Variants in NVL observed in about 807,000 individuals in gnomAD.
The protein encoded by NVL is nuclear valosin-containing protein-like.
A neutral mutation model predicts 110.2 loss-of-function variants in NVL; 84 were observed. That is an observed-to-expected ratio of 0.76 (90% CI 0.64 to 0.91). The LOEUF is 0.91. Ranked by LOEUF, NVL falls within the 40% of genes least tolerant of loss-of-function variation. NVL has a pLI of 0.00. For missense variants in NVL, 882 were observed against 1,035.9 expected (o/e 0.85, Z 2.04); for synonymous variants, 354 against 361.1 (o/e 0.98, Z 0.22).
At chr1:224,321,712 C>A (rs1156985991) in intron 2 of NVL, among the ~76,000 whole-genome samples, 1 of 148,958 alleles carries the variant, frequency 6.7e-6, no homozygotes, top group Non-Finnish European at 1.5e-5. Context: ...GCCGAGATTG[C>A]CCCGCTGCAC....
At chr1:224,273,210 C>T (rs1164277356) in intron 17 of NVL, among the ~76,000 whole-genome samples, 3 of 151,948 alleles carry the variant, frequency 2.0e-5, no homozygotes, top group Non-Finnish European at 4.4e-5. Flanking sequence ...ACCAAGAGTT[C>T]GAGACCAGCC....
At position 224,300,619 on chromosome 1, in the gene NVL, C is replaced by A. The variant is rs1188436045; in HGVS notation, c.1005G>T (p.Val335=). 3 of 1,613,926 alleles carry A rather than the reference C, an allele frequency of 1.9e-6. No individual in the cohort carries two copies. Among genetic ancestry groups the A allele is most frequent in the Admixed American group, 3.3e-5 (2 of 60,000 alleles). Residue 335 remains valine (V), a synonymous_variant, in exon 10 of 23, where the codon GTG becomes GTT. Transcript: ENST00000281701. ...GCTCAGACTCTCCGGATACTCCAGACACAATCTCTGGAGCAGCCACTTTCA... is the reference window on the plus strand; with the variant it reads ...GCTCAGACTCTCCGGATACTCCAGAAACAATCTCTGGAGCAGCCACTTTCA... ...PILKVAAPEI[V]SGVSGESEQK...
At chr1:224,255,960 C>A (rs550713801) in intron 18 of NVL, among the ~76,000 whole-genome samples, 1 of 152,182 alleles carries the variant, frequency 6.6e-6, no homozygotes, top group African/African-American at 2.4e-5. Context: ...TGCTCCAGTA[C>A]CATTGTTGAA....
intron 14 of NVL, among the ~76,000 whole-genome samples, 179 bp downstream of exon 14, chr1:224,287,596 T>C (rs1666989526): frequency 2.0e-5 from 3 of 152,168 alleles, no homozygotes; most frequent in African/African-American, 4.8e-5. Context: ...AAATCGGATC[T>C]CAAACAAAAG....
chr1:224,261,134 G>A (rs2405061), intron 18 of NVL, among the ~76,000 whole-genome samples: 152,241 of 152,258 alleles, frequency 1, 76,112 homozygotes, highest in Non-Finnish European at 1. Flanking sequence ...TCGGCCTCCC[G>A]AAGTGTTGGG....
Position 224,268,027 on chromosome 1 carries a change from T to G in NVL, c.2182+7A>C, listed in dbSNP as rs1191465630. On this transcript the variant is annotated splice_region_variant and intron_variant, in intron 18 of 22. Transcript: ENST00000281701. ...TTCATCTGTGTTACAATATTTTTATTTCTTACCTGGCCTGTTAGTGGCTGC... is the reference window on the plus strand; with the variant it reads ...TTCATCTGTGTTACAATATTTTTATGTCTTACCTGGCCTGTTAGTGGCTGC... 7 of 1,600,686 alleles carry G rather than the reference T, an allele frequency of 4.4e-6. No individual in the cohort carries two copies. The highest frequency in any genetic ancestry group is 5.1e-6 in the Non-Finnish European group (6 of 1,168,482).
At chr1:224,237,730 C>CCTTTTTT (rs1660648717) in intron 19 of NVL, among the ~76,000 whole-genome samples, 1 of 130,100 alleles carries the variant, frequency 7.7e-6, no homozygotes. Context: ...TGCCTGGCTA[C>CCTTTTTT]TTTTTTTTTT....
At chr1:224,237,859 C>G (rs1257426309) in intron 19 of NVL, among the ~76,000 whole-genome samples, 1 of 149,874 alleles carries the variant, frequency 6.7e-6, no homozygotes, top group African/African-American at 2.5e-5. Context: ...GACACTGAGG[C>G]AGGAGAATCA....
chr1:224,284,882 C>A (rs1354816990), intron 15 of NVL, among the ~76,000 whole-genome samples: 1 of 151,986 alleles, frequency 6.6e-6, no homozygotes, highest in Non-Finnish European at 1.5e-5. Context: ...GGCTCAAAAG[C>A]CTTAAAAACA....
chr1:224,300,300 T>C (rs1261444788), intron 10 of NVL, among the ~76,000 whole-genome samples: 2 of 152,240 alleles, frequency 1.3e-5, no homozygotes, highest in South Asian at 2.1e-4. Context: ...TTTCAACATA[T>C]GACTACAGGG....
chr1:224,302,802 C>G (rs998933849), intron 9 of NVL: 1 of 181,728 alleles, frequency 5.5e-6, no homozygotes, highest in Non-Finnish European at 1.2e-5. Flanking sequence ...GTAATCCCAG[C>G]ACTTTGGAAG....
intron 19 of NVL, among the ~76,000 whole-genome samples, chr1:224,248,954 C>T (rs984395497): frequency 2.6e-5 from 4 of 152,218 alleles, no homozygotes; most frequent in African/African-American, 9.6e-5. Flanking sequence ...GTATCTCCAA[C>T]TGGATGGAGA....
chr1:224,238,178 C>T (rs1254723695), intron 19 of NVL, among the ~76,000 whole-genome samples: 2 of 4,728 alleles, frequency 4.2e-4, no homozygotes, highest in Middle Eastern at 0.25. Flanking sequence ...GGACTATAGG[C>T]ACCCACCACA....
chr1:224,273,221 C>T (rs776332083), intron 17 of NVL, among the ~76,000 whole-genome samples: 5 of 151,942 alleles, frequency 3.3e-5, no homozygotes, highest in Non-Finnish European at 7.4e-5. Flanking sequence ...GAGACCAGCC[C>T]GGCCATCATG....
At chr1:224,289,391 G>A in intron 13 of NVL, 93 bp downstream of exon 13, 4 of 1,323,402 alleles carry the variant, frequency 3.0e-6, no homozygotes, top group South Asian at 1.4e-5. Context: ...AAAACAGAAA[G>A]TAATGAACCT....
Position 224,250,232 on chromosome 1 carries a change from TGGCAAGGCG to T in NVL, c.2260_2268del (p.Arg754_Ala756del). The T allele has an allele frequency of 1.2e-6, 2 of 1,610,382 alleles. No homozygotes were observed. Among genetic ancestry groups the T allele is most frequent in the African/African-American group, 1.3e-5 (1 of 74,732 alleles). On this transcript the variant is annotated inframe_deletion, in exon 19 of 23. Coordinates refer to ENST00000281701, the MANE Select transcript of NVL (RefSeq NM_002533.4). ...CTCACTTTTGTGATAGTTTTTAAGA[TGGCAAGGCG>T]ATCTGCAGGGGGCGGTAAACCCACA...
intron 18 of NVL, among the ~76,000 whole-genome samples, chr1:224,251,271 CA>C (rs35538758): frequency 0.22 from 13,405 of 61,626 alleles, 232 homozygotes; most frequent in South Asian, 0.32. Flanking sequence ...GATACTGTCT[CA>C]AAAAAAAAAA....
intron 4 of NVL, among the ~76,000 whole-genome samples, chr1:224,314,076 GA>G: frequency 6.6e-6 from 1 of 152,174 alleles, no homozygotes; most frequent in African/African-American, 2.4e-5. Flanking sequence ...GTATAACAAA[GA>G]TTGCAGGGAT....
intron 17 of NVL, among the ~76,000 whole-genome samples, chr1:224,269,205 A>C (rs1664806920): frequency 6.7e-6 from 1 of 148,484 alleles, no homozygotes; most frequent in Non-Finnish European, 1.5e-5. Context: ...CTCCGACCTC[A>C]GCCTCCCAAG....
Sources: allele counts gnomAD v4.1 joint callset (sites outside exome capture counted in the v4.1 genomes callset), GRCh38; gene constraint gnomAD v4.1.1; transcripts MANE v1.5; gene names NCBI Gene and HGNC (gene_info 2026-07-23, HGNC 2026-07-21).